ATRNL1: variants seen among roughly 807,000 people sequenced by gnomAD.
ATRNL1 encodes the protein attractin like 1, also known as attractin-like protein 1.
ATRNL1 carries 95 observed loss-of-function variants against 182.7 expected under a neutral mutation model. The ratio of observed to expected loss-of-function variants is 0.52; its 90% CI spans 0.44 to 0.62. The LOEUF (loss-of-function observed/expected upper bound fraction) is 0.62. ATRNL1 is among the 20% of genes least tolerant of loss of function. The pLI, the probability that ATRNL1 is intolerant of heterozygous loss-of-function variation, is 0.00. For missense variants in ATRNL1, 1,471 were observed against 1,679.5 expected (o/e 0.88, Z 2.17); for synonymous variants, 576 against 568.3 (o/e 1.01, Z -0.19).
intron 8 of ATRNL1, among the ~76,000 whole-genome samples, chr10:115,187,704 T>A (rs1357528363): frequency 6.8e-6 from 1 of 148,084 alleles, no homozygotes; most frequent in Non-Finnish European, 1.5e-5. Context: ...TTTTCTTTTT[T>A]TTTTTGAGAT....
chr10:115,130,622 A>G (rs1188584960), intron 5 of ATRNL1, among the ~76,000 whole-genome samples: 1 of 152,078 alleles, frequency 6.6e-6, no homozygotes, highest in Non-Finnish European at 1.5e-5. Context: ...GCAAATTTCT[A>G]AATGTTTTGT....
chr10:115,335,887 G>A (rs1006899335), intron 19 of ATRNL1, among the ~76,000 whole-genome samples: 4 of 152,118 alleles, frequency 2.6e-5, no homozygotes, highest in Non-Finnish European at 5.9e-5. Context: ...TCACAGATGT[G>A]GAACCCATGG....
intron 3 of ATRNL1, among the ~76,000 whole-genome samples, chr10:115,126,751 A>G (rs1844992008): frequency 6.6e-6 from 1 of 152,216 alleles, no homozygotes; most frequent in Admixed American, 6.5e-5. Flanking sequence ...GTTTAAAGGA[A>G]TTGACCGTGT....
At chr10:115,701,788 AAAACTGAATCAGT>A (rs1555051591) in intron 26 of ATRNL1, among the ~76,000 whole-genome samples, 1 of 151,956 alleles carries the variant, frequency 6.6e-6, no homozygotes, top group African/African-American at 2.4e-5. Flanking sequence ...ATTGAGTTCT[AAAACTGAATCAGT>A]AGTAAAAACC....
chr10:115,178,950 T>C (rs189294908), intron 8 of ATRNL1, among the ~76,000 whole-genome samples: 1 of 152,274 alleles, frequency 6.6e-6, no homozygotes, highest in Admixed American at 6.5e-5. Context: ...ATATTCTTTT[T>C]CTAAGAAGTT....
At chr10:115,602,850 T>C (rs560944943) in intron 26 of ATRNL1, among the ~76,000 whole-genome samples, 1,121 of 64,746 alleles carry the variant, frequency 0.017, 10 homozygotes, top group South Asian at 0.025. Context: ...CGAGACTCCG[T>C]CTCAAAAAAA....
At chr10:115,878,727 A>G (rs1180172852) in intron 28 of ATRNL1, among the ~76,000 whole-genome samples, 1 of 152,152 alleles carries the variant, frequency 6.6e-6, no homozygotes, top group Non-Finnish European at 1.5e-5. Flanking sequence ...TGCATAATGC[A>G]TGTGTTTTGT....
chr10:115,233,564 A>G (rs1356670153), intron 9 of ATRNL1, among the ~76,000 whole-genome samples: 2 of 152,138 alleles, frequency 1.3e-5, no homozygotes, highest in African/African-American at 4.8e-5. Flanking sequence ...TCATTGTTGA[A>G]TAGAAGTGTG....
chr10:115,394,659 C>G lies in ATRNL1; in HGVS notation c.3176C>G (p.Ala1059Gly). ...GDPTNGGQCTACTCSGHANIC... is the reference protein window; with the variant it reads ...GDPTNGGQCTGCTCSGHANIC... ...ATATCATTTTGGTTTTGACTTACAG[C>G]TTGTACATGCAGTGGCCATGCAAAT... is the stretch of plus-strand genomic sequence containing the variant. Residue 1059 changes from alanine (A) to glycine (G), a missense_variant and splice_region_variant, in exon 20 of 29, where the codon GCT becomes GGT. Transcript: ENST00000355044. 2 of 1,610,670 alleles carry G rather than the reference C, an allele frequency of 1.2e-6. No homozygotes were observed. The highest frequency in any genetic ancestry group is 1.7e-6 in the Non-Finnish European group (2 of 1,177,528).
At chr10:115,884,514 T>C (rs1951897652) in intron 28 of ATRNL1, among the ~76,000 whole-genome samples, 2 of 152,218 alleles carry the variant, frequency 1.3e-5, no homozygotes, top group Admixed American at 6.5e-5. Context: ...CTAATTATCA[T>C]TGAGAACAAA....
At chr10:115,836,271 A>T (rs567447292) in intron 27 of ATRNL1, among the ~76,000 whole-genome samples, 3 of 152,300 alleles carry the variant, frequency 2.0e-5, no homozygotes, top group African/African-American at 7.2e-5. Flanking sequence ...ATTCTGAGGT[A>T]TTGAGACTGG....
At chr10:115,439,649 G>A (rs900085326) in intron 21 of ATRNL1, among the ~76,000 whole-genome samples, 2 of 151,890 alleles carry the variant, frequency 1.3e-5, no homozygotes, top group Non-Finnish European at 2.9e-5. Context: ...ATAAGAAGGA[G>A]TTACATATGC....
chr10:115,503,443 T>C (rs1849947652), intron 24 of ATRNL1, among the ~76,000 whole-genome samples: 1 of 152,108 alleles, frequency 6.6e-6, no homozygotes, highest in African/African-American at 2.4e-5. Flanking sequence ...AGGAGAAGTT[T>C]TGCTATTTTA....
rs554028528 is a variant in ATRNL1 at position 115,368,300 on chromosome 10, G to A, written c.3176-26359G>A. On this transcript the variant is annotated intron_variant, in intron 19 of 28. Coordinates refer to ENST00000355044, the MANE Select transcript of ATRNL1 (RefSeq NM_207303.4). ...GTGACCCGATTTTCCAGGTGCGTCC[G>A]TCACCCCTTTCTTTGACTCGGAAAG... 1.3e-4 allele frequency among the ~76,000 whole-genome samples: 20 copies of A among 152,260 alleles called. 1 individual carries two copies. In the East Asian group the frequency reaches 2.9e-3, roughly 22 times the overall value.
chr10:115,797,693 T>A (rs1336831829), intron 27 of ATRNL1, among the ~76,000 whole-genome samples: 2 of 151,982 alleles, frequency 1.3e-5, no homozygotes, highest in African/African-American at 4.8e-5. Flanking sequence ...GAAAGTGGGG[T>A]TTGGAGTACT....
intron 28 of ATRNL1, among the ~76,000 whole-genome samples, chr10:115,932,843 ATAT>A (rs782318116): frequency 3.4e-4 from 52 of 152,258 alleles, no homozygotes; most frequent in Non-Finnish European, 5.1e-4. Flanking sequence ...GTGCTATGTA[ATAT>A]TATAAGCCTT....
chr10:115,743,060 T>C (rs2134100784), intron 27 of ATRNL1, among the ~76,000 whole-genome samples: 1 of 151,994 alleles, frequency 6.6e-6, no homozygotes, highest in East Asian at 1.9e-4. Context: ...AGCCATCACA[T>C]CTCATGAGAA....
intron 26 of ATRNL1, among the ~76,000 whole-genome samples, chr10:115,600,728 T>G (rs1263244169): frequency 6.6e-6 from 1 of 152,060 alleles, no homozygotes; most frequent in Non-Finnish European, 1.5e-5. Context: ...GTGTTTTAAT[T>G]TTGATGAATT....
intron 18 of ATRNL1, among the ~76,000 whole-genome samples, chr10:115,330,561 G>C (rs544732403): frequency 6.6e-6 from 1 of 151,902 alleles, no homozygotes; most frequent in South Asian, 2.1e-4. Context: ...GGTATTCTTG[G>C]CAGGCAGTTT....
Sources: gnomAD v4.1 joint callset for allele counts (sites outside exome capture counted in the v4.1 genomes callset) on GRCh38, gnomAD v4.1.1 for gene constraint, MANE v1.5 for transcripts, NCBI Gene and HGNC (gene_info 2026-07-23, HGNC 2026-07-21) for gene names.